RNF130: variants seen among roughly 807,000 people sequenced by gnomAD.
RNF130 encodes ring finger protein 130, also known as E3 ubiquitin-protein ligase RNF130.
Under a neutral mutation model 44.6 loss-of-function variants are expected in RNF130, and 21 were observed. The ratio of observed to expected loss-of-function variants is 0.47; its 90% confidence interval spans 0.33 to 0.68. The LOEUF is 0.68. Among genes scored for constraint, RNF130 ranks in the 30% least tolerant of loss-of-function variants. RNF130 has a pLI of 0.02. For missense variants in RNF130, 479 were observed against 560.6 expected, an observed-to-expected ratio of 0.85 and a Z score of 1.47; for synonymous variants, 214 against 210.4, an observed-to-expected ratio of 1.02 and a Z score of -0.15.
chr5:179,927,836 C>T lies in RNF130; in HGVS notation c.1151-7410G>A, dbSNP rs919206859. 3.3e-5 allele frequency among the ~76,000 whole-genome samples: 5 copies of T among 152,052 alleles called. No homozygotes were observed. In the East Asian group the frequency reaches 7.7e-4, roughly 23 times the overall value. Reference sequence around the variant, plus strand: ...CGATCTCCTGACCTCATGATCCACCCGCCTTGGCTTCCCAAAGTGCTGGGA... The same window carrying T: ...CGATCTCCTGACCTCATGATCCACCTGCCTTGGCTTCCCAAAGTGCTGGGA... On this transcript the variant is annotated intron_variant, in intron 7 of 7. Coordinates refer to the RNF130 transcript ENST00000522208.
intron 1 of RNF130, among the ~76,000 whole-genome samples, chr5:180,058,127 AG>A (rs1764881666): frequency 6.6e-6 from 1 of 152,158 alleles, no homozygotes; most frequent in African/African-American, 2.4e-5. Context: ...TGTCAAAGCG[AG>A]GACAGAAGTT....
In RNF130 at chr5:179,963,155, A is replaced by G. The variant is rs189890976; in HGVS notation, c.1244+316T>C. On this transcript the variant is annotated intron_variant, in intron 8 of 8. Coordinates refer to ENST00000521389, the MANE Select transcript of RNF130 (RefSeq NM_018434.6). ...TCCCATCAGCGATGAGGATGCTGAC[A>G]GCCTTTTACACTCTAAGACTATACT... 7.2e-5 allele frequency among the ~76,000 whole-genome samples: 11 copies of G among 152,334 alleles called. No individual in the cohort carries two copies. The East Asian group carries it at 1.3e-3, about 19-fold the overall frequency.
intron 5 of RNF130, among the ~76,000 whole-genome samples, chr5:179,971,354 A>T (rs767493874): frequency 4.6e-5 from 7 of 152,134 alleles, no homozygotes; most frequent in Non-Finnish European, 1.0e-4. Context: ...TGAGTTTGGG[A>T]TAAGATAAAA....
At chr5:180,034,638 T>C (rs1217093838) in intron 2 of RNF130, among the ~76,000 whole-genome samples, 2 of 152,160 alleles carry the variant, frequency 1.3e-5, no homozygotes, top group East Asian at 1.9e-4. Context: ...AAAGTAAACA[T>C]AGCAGGTTTG....
At chr5:179,917,472 G>C (rs1270147640) in exon 8 of RNF130, 1 of 152,294 alleles carries the variant, frequency 6.6e-6, no homozygotes, top group Admixed American at 6.5e-5. Context: ...AACCGCTGCT[G>C]GTGGCAAGAC....
At chr5:179,926,205 C>A (rs908099228) in intron 7 of RNF130, among the ~76,000 whole-genome samples, 5 of 152,216 alleles carry the variant, frequency 3.3e-5, no homozygotes, top group Non-Finnish European at 7.3e-5. Flanking sequence ...TCCAGTCATA[C>A]AGGCAAGAGG....
chr5:179,917,751 C>G (rs935442192), exon 8 of RNF130: 1 of 152,230 alleles, frequency 6.6e-6, no homozygotes, highest in Non-Finnish European at 1.5e-5. Flanking sequence ...ACTGGAATCC[C>G]GGAACTTTGG....
intron 2 of RNF130, among the ~76,000 whole-genome samples, chr5:180,030,817 TC>T (rs1450697186): frequency 5.3e-5 from 8 of 152,226 alleles, no homozygotes; most frequent in Admixed American, 3.9e-4. Context: ...CTGGCTTCTT[TC>T]GTTTAGCATA....
At chr5:180,031,915 G>T (rs1764138518) in intron 2 of RNF130, among the ~76,000 whole-genome samples, 1 of 152,144 alleles carries the variant, frequency 6.6e-6, no homozygotes, top group Admixed American at 6.5e-5. Context: ...ACAAAACTTG[G>T]TACTGTATGA....
At chr5:180,036,972 C>T (rs1005804808) in intron 2 of RNF130, among the ~76,000 whole-genome samples, 15 of 152,134 alleles carry the variant, frequency 9.9e-5, no homozygotes, top group African/African-American at 3.6e-4. Context: ...TTAGTTTATA[C>T]CTATATACAT....
chr5:180,019,185 C>T (rs1184997655), intron 2 of RNF130, among the ~76,000 whole-genome samples: 1 of 80,758 alleles, frequency 1.2e-5, no homozygotes, highest in Non-Finnish European at 2.5e-5. Context: ...AAGATCAAAA[C>T]CATCCTGACT....
chr5:180,029,901 C>A (rs565515821), intron 2 of RNF130, among the ~76,000 whole-genome samples: 1 of 149,650 alleles, frequency 6.7e-6, no homozygotes, highest in Non-Finnish European at 1.5e-5. Context: ...TAGGCTAGAG[C>A]GCAGTGGCAC....
intron 1 of RNF130, among the ~76,000 whole-genome samples, chr5:180,052,819 T>C (rs1764718110): frequency 6.6e-6 from 1 of 152,144 alleles, no homozygotes; most frequent in African/African-American, 2.4e-5. Context: ...ATTGCTCACC[T>C]GAGAAAATAA....
At chr5:180,000,823 C>CT (rs1763317395) in intron 3 of RNF130, among the ~76,000 whole-genome samples, 1 of 152,204 alleles carries the variant, frequency 6.6e-6, no homozygotes, top group Admixed American at 6.5e-5. Flanking sequence ...TTGTATCTCT[C>CT]TGAGTTTCCA....
At chr5:180,022,315 A>G (rs544016444) in intron 2 of RNF130, among the ~76,000 whole-genome samples, 11 of 152,308 alleles carry the variant, frequency 7.2e-5, no homozygotes, top group Admixed American at 2.6e-4. Flanking sequence ...TTACTTTTTA[A>G]ATCAGTACAG....
At chr5:179,983,333 CTTTT>C (rs35802224) in intron 3 of RNF130, among the ~76,000 whole-genome samples, 16 of 108,372 alleles carry the variant, frequency 1.5e-4, no homozygotes, top group African/African-American at 4.8e-4. Context: ...TACAGATGAA[CTTTT>C]TTTTTTTTTT....
At chr5:179,947,411 C>T (rs1053746634) in intron 7 of RNF130, among the ~76,000 whole-genome samples, 2 of 152,176 alleles carry the variant, frequency 1.3e-5, no homozygotes, top group Admixed American at 1.3e-4. Flanking sequence ...TTTCTACTAT[C>T]ATGCTCTGCA....
intron 2 of RNF130, among the ~76,000 whole-genome samples, chr5:180,024,590 A>AACG (rs1763946914): frequency 6.6e-6 from 1 of 152,216 alleles, no homozygotes; most frequent in Non-Finnish European, 1.5e-5. Flanking sequence ...GTCTTTGAAA[A>AACG]ATGATGGCCA....
At chr5:179,932,289 G>A (rs1191058042) in intron 7 of RNF130, among the ~76,000 whole-genome samples, 1 of 151,924 alleles carries the variant, frequency 6.6e-6, no homozygotes, top group African/African-American at 2.4e-5. Context: ...AGGGAGTCTC[G>A]CCCTGTTGCC....
Sources: gnomAD v4.1 joint callset for allele counts (sites outside exome capture counted in the v4.1 genomes callset) on GRCh38, gnomAD v4.1.1 for gene constraint, MANE v1.5 for transcripts, NCBI Gene and HGNC (gene_info 2026-07-23, HGNC 2026-07-21) for gene names.